XKR6: variants seen among roughly 807,000 people sequenced by gnomAD.
XKR6 encodes XK related 6.
Under a neutral mutation model 56.7 loss-of-function variants are expected in XKR6, and 22 were observed. That is an observed-to-expected ratio of 0.39 (90% confidence interval 0.28 to 0.55). The LOEUF (loss-of-function observed/expected upper bound fraction) is 0.55. XKR6 is among the 20% of genes least tolerant of loss of function. XKR6 has a pLI of 0.66. For missense variants in XKR6, 852 were observed against 889.0 expected (o/e 0.96, Z 0.53); for synonymous variants, 524 against 387.8 (o/e 1.35, Z -4.13).
chr8:10,965,134 C>T (rs1220506619), intron 1 of XKR6, among the ~76,000 whole-genome samples: 2 of 152,254 alleles, frequency 1.3e-5, no homozygotes, highest in Non-Finnish European at 2.9e-5. Context: ...CACCAGCAAG[C>T]TCTGGCCTCA....
At position 11,174,334 on chromosome 8, in the gene XKR6, G is replaced by C. The variant is rs146705349; in HGVS notation, c.764+26242C>G. ...AACAAAACCCACGTATTTAAAACAA[G>C]TGCAGAAGTGTTTATTGTACCTCCC... On this transcript the variant is annotated intron_variant, in intron 1 of 2. Coordinates refer to ENST00000416569, the MANE Select transcript of XKR6 (RefSeq NM_173683.4). Among the ~76,000 whole-genome samples, 477 of 152,352 alleles carry C rather than the reference G, an allele frequency of 3.1e-3. 2 individuals are homozygous for C. Among genetic ancestry groups the C allele is most frequent in the Admixed American group, 6.8e-3 (104 of 15,306 alleles).
At chr8:10,951,177 A>T (rs57327348) in intron 1 of XKR6, among the ~76,000 whole-genome samples, 30,376 of 152,070 alleles carry the variant, frequency 0.2, 3,214 homozygotes, top group Non-Finnish European at 0.22. Context: ...TGCCCTTGGA[A>T]CTCAGTTTCC....
At chr8:10,979,633 C>G (rs1158120172) in intron 1 of XKR6, among the ~76,000 whole-genome samples, 1 of 152,204 alleles carries the variant, frequency 6.6e-6, no homozygotes, top group Non-Finnish European at 1.5e-5. Context: ...CAGCCTGGCT[C>G]CTCCTTGGGG....
At chr8:10,954,949 A>G (rs552017585) in intron 1 of XKR6, among the ~76,000 whole-genome samples, 1 of 144,286 alleles carries the variant, frequency 6.9e-6, no homozygotes, top group East Asian at 2.0e-4. Flanking sequence ...GCTCACTGCA[A>G]TCTTTGCCTC....
At chr8:11,041,091 C>A (rs944199093) in intron 1 of XKR6, among the ~76,000 whole-genome samples, 2 of 152,058 alleles carry the variant, frequency 1.3e-5, no homozygotes, top group Non-Finnish European at 2.9e-5. Context: ...GTGGCTGCCA[C>A]CCCCATCAGG....
At chr8:11,075,491 C>CCTAA (rs1554451977) in intron 1 of XKR6, among the ~76,000 whole-genome samples, 7 of 152,250 alleles carry the variant, frequency 4.6e-5, no homozygotes, top group Middle Eastern at 3.4e-3. Flanking sequence ...TGACCCCTAC[C>CCTAA]CTAAGCACAA....
chr8:11,164,923 C>T (rs1801994170), intron 1 of XKR6, among the ~76,000 whole-genome samples: 1 of 152,098 alleles, frequency 6.6e-6, no homozygotes, highest in Admixed American at 6.5e-5. Context: ...TCCCACCTGC[C>T]TACCTTCCCA....
intron 1 of XKR6, among the ~76,000 whole-genome samples, chr8:11,099,354 T>A (rs139188982): frequency 6.6e-6 from 1 of 152,344 alleles, no homozygotes; most frequent in East Asian, 1.9e-4. Flanking sequence ...CTGAATCTAC[T>A]AAAACATTTT....
chr8:10,975,610 C>A (rs1226860393), intron 1 of XKR6, among the ~76,000 whole-genome samples: 1 of 152,188 alleles, frequency 6.6e-6, no homozygotes, highest in Non-Finnish European at 1.5e-5. Flanking sequence ...TGTGTGACTC[C>A]TCTCTGGGCT....
intron 1 of XKR6, among the ~76,000 whole-genome samples, chr8:11,106,863 A>AAAAAAAAAAAAAAAAAG (rs60435831): frequency 0.01 from 1,138 of 109,702 alleles, 199 homozygotes; most frequent in African/African-American, 0.043. Context: ...AAAAAAAAAA[A>AAAAAAAAAAAAAAAAAG]AATAAAAAAG....
intron 1 of XKR6, among the ~76,000 whole-genome samples, chr8:11,139,857 G>A (rs1800597157): frequency 6.6e-6 from 1 of 152,154 alleles, no homozygotes; most frequent in South Asian, 2.1e-4. Context: ...ACGAGAGAAA[G>A]ATTTAAGCAG....
chr8:11,077,319 C>G (rs1265181677), intron 1 of XKR6, among the ~76,000 whole-genome samples: 1 of 152,148 alleles, frequency 6.6e-6, no homozygotes, highest in African/African-American at 2.4e-5. Context: ...TTTTCAAGCA[C>G]CATCCAGAAA....
In XKR6 at chr8:11,201,232, T is replaced by G. The variant is rs1262699422; in HGVS notation, c.108A>C (p.Gly36=). 3 of 1,549,316 alleles carry G rather than the reference T, an allele frequency of 1.9e-6. No individual in the cohort carries two copies. The African/African-American group carries it at 4.1e-5, about 21-fold the overall frequency. Residue 36 remains glycine (G), a synonymous_variant, in exon 1 of 3, where the codon GGA becomes GGC. Coordinates refer to ENST00000416569, the MANE Select transcript of XKR6 (RefSeq NM_173683.4). ...CGTCGCCGCCGCCGCCGCAGCCGCC[T>G]CCCCCGGGCTCCCCGTCCTCCTCGC... ...SGGEEDGEPG[G]GGCGGGGDGS...
At chr8:10,930,952 A>G (rs1349770588) in intron 1 of XKR6, among the ~76,000 whole-genome samples, 1 of 152,230 alleles carries the variant, frequency 6.6e-6, no homozygotes, top group Admixed American at 6.5e-5. Flanking sequence ...AAAAATAAAT[A>G]CAGAAAGTAT....
chr8:10,910,390 C>T (rs766511600), intron 2 of XKR6, among the ~76,000 whole-genome samples: 48 of 152,168 alleles, frequency 3.2e-4, no homozygotes, highest in Non-Finnish European at 6.3e-4. Flanking sequence ...CCTGGAGGTA[C>T]AGATGCAGGG....
chr8:11,000,355 G>A (rs1178883377), intron 1 of XKR6, among the ~76,000 whole-genome samples: 1 of 152,164 alleles, frequency 6.6e-6, no homozygotes, highest in Non-Finnish European at 1.5e-5. Context: ...ATAATATGTT[G>A]TTTTCTTCCT....
intron 1 of XKR6, among the ~76,000 whole-genome samples, chr8:10,995,390 A>G (rs927377552): frequency 6.8e-6 from 1 of 147,994 alleles, no homozygotes; most frequent in African/African-American, 2.5e-5. Flanking sequence ...TATATGATAT[A>G]TATAGTAGAT....
chr8:11,167,876 A>C (rs1230635044), intron 1 of XKR6, among the ~76,000 whole-genome samples: 2 of 148,290 alleles, frequency 1.3e-5, no homozygotes, highest in African/African-American at 5.0e-5. Flanking sequence ...GTGACAGAGT[A>C]AGACCCCATC....
At position 11,113,061 on chromosome 8, in the gene XKR6, C is replaced by A. The variant is rs906540690; in HGVS notation, c.764+87515G>T. 8.5e-5 allele frequency among the ~76,000 whole-genome samples: 13 copies of A among 152,224 alleles called. No individual in the cohort carries two copies. The South Asian group carries it at 2.7e-3, about 32-fold the overall frequency. On this transcript the variant is annotated intron_variant, in intron 1 of 2. Transcript: ENST00000416569. ...TCCTTACAATTTGCCTTCTGTAGCA[C>A]CCTCCAGAATGAGATGAAATTTAAT...
Sources: allele counts gnomAD v4.1 joint callset (sites outside exome capture counted in the v4.1 genomes callset), GRCh38; gene constraint gnomAD v4.1.1; transcripts MANE v1.5; gene names NCBI Gene and HGNC (gene_info 2026-07-23, HGNC 2026-07-21).